Variants in C16orf96 observed in about 807,000 individuals in gnomAD.
The protein encoded by C16orf96 is uncharacterized protein C16orf96.
A neutral mutation model predicts 103.6 loss-of-function variants in C16orf96; 108 were observed. The ratio of observed to expected loss-of-function variants is 1.04; its 90% confidence interval spans 0.89 to 1.22. The LOEUF (loss-of-function observed/expected upper bound fraction) is 1.22. C16orf96 is among the 50% of genes most tolerant of loss of function. The pLI is 0.00. For missense variants in C16orf96, 1,586 were observed against 1,464.2 expected (o/e 1.08, Z -1.36); for synonymous variants, 566 against 593.5 (o/e 0.95, Z 0.67).
chr16:4,598,615 A>G (rs1454021195), intron 14 of C16orf96, among the ~76,000 whole-genome samples: 1 of 152,148 alleles, frequency 6.6e-6, no homozygotes, highest in Non-Finnish European at 1.5e-5. Context: ...TTTTACTTCG[A>G]ATAATGAAAA....
intron 1 of C16orf96, chr16:4,561,262 G>A (rs1346847254): frequency 1.3e-5 from 2 of 152,118 alleles, no homozygotes. Context: ...AGCCAAGATC[G>A]CGCCACCACA....
intron 9 of C16orf96, 91 bp from the exon 10 acceptor site, chr16:4,591,575 A>T: frequency 9.7e-7 from 1 of 1,033,662 alleles, no homozygotes; most frequent in Non-Finnish European, 1.5e-6. Flanking sequence ...ACACCGTGTA[A>T]CTTCCCAGGT....
At chr16:4,567,487 C>T (rs1251007352) in intron 1 of C16orf96, among the ~76,000 whole-genome samples, 1 of 150,756 alleles carries the variant, frequency 6.6e-6, no homozygotes, top group Admixed American at 6.6e-5. Flanking sequence ...GGGGTTTCAC[C>T]GTGTTAGCCA....
intron 7 of C16orf96, among the ~76,000 whole-genome samples, chr16:4,582,582 C>G (rs375776239): frequency 6.6e-6 from 1 of 151,984 alleles, no homozygotes; most frequent in South Asian, 2.1e-4. Context: ...GATGCTGGGC[C>G]GAGTGTGGGT....
At chr16:4,556,305 C>T (rs1432366580), upstream of C16orf96, among the ~76,000 whole-genome samples, 1 of 152,150 alleles carries the variant, frequency 6.6e-6, no homozygotes, top group African/African-American at 2.4e-5. Flanking sequence ...TCTTTGGTGT[C>T]CTGGCAACCA....
At chr16:4,591,837 G>A in intron 10 of C16orf96, 53 bp downstream of exon 10, 1 of 1,334,916 alleles carries the variant, frequency 7.5e-7, no homozygotes, top group Non-Finnish European at 1.1e-6. Context: ...CCAGGCTGTG[G>A]GGAACACACC....
intron 1 of C16orf96, among the ~76,000 whole-genome samples, chr16:4,559,455 G>A (rs534905152): frequency 9.2e-5 from 14 of 152,160 alleles, no homozygotes; most frequent in Admixed American, 9.2e-4. Flanking sequence ...GGAGGCTGAG[G>A]CACGAGAATC....
chr16:4,578,855 G>A, intron 5 of C16orf96, 85 bp from the exon 6 acceptor site: 1 of 988,808 alleles, frequency 1.0e-6, no homozygotes, highest in South Asian at 1.5e-5. Flanking sequence ...TGCCTGAGAT[G>A]CTCCATAAGA....
At position 4,592,196 on chromosome 16, in the gene C16orf96, G is replaced by A. The variant is rs1897074522; in HGVS notation, c.2712-109G>A. ...TGCAGGGCCTGTGGGGCTGAGCTGG[G>A]CCGGGCACTGGCAGGAGGGATGCAG... is the stretch of plus-strand genomic sequence containing the variant. On this transcript the variant is annotated intron_variant, in intron 10 of 15. Transcript: ENST00000444310. The A allele has an allele frequency of 2.4e-5, 32 of 1,360,204 alleles. No individual in the cohort carries two copies. The South Asian group carries it at 3.8e-4, about 16-fold the overall frequency. 84.3% of individuals were successfully genotyped at this position (1,360,204 alleles called of 1,614,324 possible).
At chr16:4,562,991 T>G (rs1205568992) in intron 1 of C16orf96, 1 of 1,177,708 alleles carries the variant, frequency 8.5e-7, no homozygotes, top group African/African-American at 1.5e-5. Flanking sequence ...CGTACCTCAT[T>G]TTCCCAATCT....
upstream of C16orf96, among the ~76,000 whole-genome samples, chr16:4,553,623 G>A (rs1401803664): frequency 6.6e-6 from 1 of 152,098 alleles, no homozygotes; most frequent in African/African-American, 2.4e-5. Flanking sequence ...GATTACAGGT[G>A]TGAGCCACTA....
At chr16:4,583,992 A>G (rs2141740911) in intron 7 of C16orf96, among the ~76,000 whole-genome samples, 1 of 152,160 alleles carries the variant, frequency 6.6e-6, no homozygotes, top group East Asian at 1.9e-4. Flanking sequence ...AATTTAGCAT[A>G]TGACCACTAC....
At chr16:4,552,699 G>C (rs765386765), upstream of C16orf96, among the ~76,000 whole-genome samples, 8 of 152,056 alleles carry the variant, frequency 5.3e-5, no homozygotes, top group Non-Finnish European at 1.0e-4. Context: ...GGCTGGACTG[G>C]CTGGGTCACA....
Position 4,588,341 on chromosome 16 carries a change from C to A in C16orf96, c.2592+10C>A, listed in dbSNP as rs1896978081. 6.5e-7 allele frequency: 1 copy of A among 1,540,196 alleles called. No individual in the cohort carries two copies. Among genetic ancestry groups the A allele is most frequent in the Non-Finnish European group, 8.8e-7 (1 of 1,138,148 alleles). On this transcript the variant is annotated intron_variant, in intron 9 of 15. Coordinates refer to ENST00000444310, the MANE Select transcript of C16orf96 (RefSeq NM_001145011.2). ...GGACGTGAACACCAAGGTGAATGCCCCCATGTTGATTTTCACTTTATTCCT... is the reference window on the plus strand; with the variant it reads ...GGACGTGAACACCAAGGTGAATGCCACCATGTTGATTTTCACTTTATTCCT...
At position 4,575,634 on chromosome 16, in the gene C16orf96, A is replaced by T; in HGVS notation, c.1154A>T (p.Asp385Val). Residue 385 changes from aspartate to valine, a missense_variant, in exon 5 of 16, where the codon GAC becomes GTC. By Grantham distance (152) the Asp-to-Val change is radical. Transcript: ENST00000444310. ...GGTGCCCAGCCTCCACCACTGGGAG[A>T]CTGGCCTGCACTCCCAAGACGCTGG... is the stretch of plus-strand genomic sequence containing the variant. ...APGAQPPPLG[D>V]WPALPRRWPL... is the part of the protein sequence containing the mutation. 6.5e-7 allele frequency: 1 copy of T among 1,528,606 alleles called. No homozygotes were observed. The highest frequency in any genetic ancestry group is 8.8e-7 in the Non-Finnish European group (1 of 1,136,796). The allele number at this position is 1,528,606 out of a possible 1,614,324, so 94.7% of individuals were successfully genotyped here.
Position 4,578,937 on chromosome 16 carries a change from C to T in C16orf96, c.2156-3C>T, listed in dbSNP as rs2059547421. The T allele has an allele frequency of 1.3e-6, 2 of 1,551,274 alleles. No individual in the cohort carries two copies. The highest frequency in any genetic ancestry group is 1.7e-4 in the Middle Eastern group (1 of 5,982). ...CAGCAGCCACCCTGTCCTCTGCTTT[C>T]AGCCAATATGGGAGGTCCTTCCAGC... On this transcript the variant is annotated splice_polypyrimidine_tract_variant and splice_region_variant and intron_variant, in intron 5 of 15. Transcript: ENST00000444310.
chr16:4,577,009 T>C (rs150090637), intron 5 of C16orf96, among the ~76,000 whole-genome samples: 176 of 151,996 alleles, frequency 1.2e-3, no homozygotes, highest in Admixed American at 3.2e-3. Flanking sequence ...CTGACCAACA[T>C]GGAGAAACCC....
chr16:4,574,454 T>A (rs2059476260), intron 2 of C16orf96, among the ~76,000 whole-genome samples: 2 of 151,614 alleles, frequency 1.3e-5, no homozygotes, highest in African/African-American at 4.8e-5. Flanking sequence ...ACTCCTGACC[T>A]CAAGTTATCC....
chr16:4,549,471 T>TAAAA, the C16orf96 span, among the ~76,000 whole-genome samples: 333 of 96,604 alleles, frequency 3.4e-3, 2 homozygotes, highest in African/African-American at 0.013. Flanking sequence ...AGACTCTGTC[T>TAAAA]AAAAAAAAAA....
Sources: gnomAD v4.1 joint callset for allele counts (sites outside exome capture counted in the v4.1 genomes callset) on GRCh38, gnomAD v4.1.1 for gene constraint, MANE v1.5 for transcripts, NCBI Gene and HGNC (gene_info 2026-07-23, HGNC 2026-07-21) for gene names.